The following UBR4 variants were observed in gnomAD, a reference collection of about 807,000 sequenced individuals.
UBR4 encodes ubiquitin protein ligase E3 component n-recognin 4, also known as E3 ubiquitin-protein ligase UBR4.
A neutral mutation model predicts 575.6 loss-of-function variants in UBR4; 124 were observed. The ratio of observed to expected loss-of-function variants is 0.22; its 90% confidence interval spans 0.19 to 0.25. The LOEUF (loss-of-function observed/expected upper bound fraction) is 0.25, where lower values mean the gene tolerates loss of function less well. Among genes scored for constraint, UBR4 ranks in the 10% least tolerant of loss-of-function variants. UBR4 has a pLI of 1.00. For missense variants in UBR4, 4,818 were observed against 6,478.8 expected (o/e 0.74, Z 8.80); for synonymous variants, 2,455 against 2,473.7 (o/e 0.99, Z 0.22).
chr1:19,155,527 T>C lies in UBR4; in HGVS notation c.6214A>G (p.Thr2072Ala). ...VIMSSAGYIY[T>A]QLMEEASSAQ... ...CTGCTGGCCTCTTCCATAAGCTGAG[T>C]ATAGATGTACCCAGCCGAAGACATT... Residue 2072 changes from threonine (T) to alanine (A), a missense_variant, in exon 43 of 106, where the codon ACT becomes GCT. Physicochemically the swap from Thr to Ala is moderately conservative, Grantham distance 58. This residue lies in a region of UBR4 where 461 missense variants were observed against 606.9 expected (regional missense o/e 0.76). Transcript: ENST00000375254. 9.9e-6 allele frequency: 16 copies of C among 1,614,034 alleles called. No individual in the cohort carries two copies. The highest frequency in any genetic ancestry group is 1.4e-5 in the Non-Finnish European group (16 of 1,179,988).
Position 19,155,655 on chromosome 1 carries a change from C to T in UBR4, c.6086G>A (p.Cys2029Tyr). Reference sequence around the variant, plus strand: ...GAAGGTTGGACTCAAGGCATCAACACACAGGTCATAAATCTGCAGGATGGA... The same window carrying T: ...GAAGGTTGGACTCAAGGCATCAACATACAGGTCATAAATCTGCAGGATGGA... Reference protein sequence around the residue: ...TADFVKIYDLCVDALSPTFYF... With the variant: ...TADFVKIYDLYVDALSPTFYF... The change falls in exon 43 of 106, where the codon TGT becomes TAT. Residue 2029 changes from cysteine (C) to tyrosine (Y), a missense_variant. Coordinates refer to ENST00000375254, the MANE Select transcript of UBR4 (RefSeq NM_020765.3). 6.2e-7 allele frequency: 1 copy of T among 1,614,046 alleles called. No homozygotes were observed. The highest frequency in any genetic ancestry group is 1.1e-5 in the South Asian group (1 of 91,072).
intron 17 of UBR4, among the ~76,000 whole-genome samples, chr1:19,180,471 C>G (rs1216952488): frequency 6.6e-6 from 1 of 150,440 alleles, no homozygotes; most frequent in Non-Finnish European, 1.5e-5. Context: ...CCTCTAAAAC[C>G]ACATTCTTAA....
intron 15 of UBR4, among the ~76,000 whole-genome samples, chr1:19,184,792 T>A (rs1571590786): frequency 1.3e-5 from 2 of 152,196 alleles, no homozygotes; most frequent in South Asian, 4.1e-4. Flanking sequence ...CTTTAAGATG[T>A]CACAACACCT....
chr1:19,087,990 T>C, intron 98 of UBR4, 61 bp from the exon 99 acceptor site: 11 of 1,361,732 alleles, frequency 8.1e-6, no homozygotes, highest in Admixed American at 2.0e-5. Flanking sequence ...CCACCCTAGC[T>C]TGGAGATGCT....
At chr1:19,162,009 G>T in intron 35 of UBR4, 112 bp from the exon 36 acceptor site, 1 of 1,206,962 alleles carries the variant, frequency 8.3e-7, no homozygotes, top group Non-Finnish European at 1.2e-6. Flanking sequence ...ACTCGCAAAT[G>T]ACCCGTGGAA....
intron 100 of UBR4, 59 bp downstream of exon 100, chr1:19,086,620 C>A: frequency 6.3e-7 from 1 of 1,594,558 alleles, no homozygotes; most frequent in Non-Finnish European, 8.6e-7. Flanking sequence ...CAGTCCCACC[C>A]GCTCCAGGCC....
At chr1:19,209,979 G>A (rs1249771786) in intron 1 of UBR4, 94 bp downstream of exon 1, 5 of 1,390,254 alleles carry the variant, frequency 3.6e-6, no homozygotes, top group East Asian at 3.1e-5. Flanking sequence ...TCCTCAAGGG[G>A]GCAGGGGGCG....
intron 29 of UBR4, among the ~76,000 whole-genome samples, chr1:19,166,144 T>C (rs372778445): frequency 6.6e-6 from 1 of 152,340 alleles, no homozygotes; most frequent in South Asian, 2.1e-4. Flanking sequence ...AAAGGAATCC[T>C]TGATGAAAAC....
intron 104 of UBR4, 137 bp downstream of exon 104, chr1:19,077,835 GGGTT>G (rs761282453): frequency 6.5e-7 from 1 of 1,549,716 alleles, no homozygotes. Flanking sequence ...CCCACAGTTG[GGGTT>G]GTTTGTTTCT....
At chr1:19,209,786 TAAGAGGGCGAATG>T (rs986739719) in intron 1 of UBR4, among the ~76,000 whole-genome samples, 8 of 152,104 alleles carry the variant, frequency 5.3e-5, no homozygotes, top group Admixed American at 4.6e-4. Flanking sequence ...AACATTCCCT[TAAGAGGGCGAATG>T]CATCTCACTC....
At chr1:19,198,097 A>T (rs1354993242) in intron 5 of UBR4, 48 bp from the exon 6 acceptor site, 3 of 1,573,764 alleles carry the variant, frequency 1.9e-6, no homozygotes, top group Non-Finnish European at 1.7e-6. Flanking sequence ...CTCTTCACCA[A>T]ACCAACTGTC....
At chr1:19,198,986 A>G (rs1183736372) in intron 3 of UBR4, 58 bp from the exon 4 acceptor site, 2 of 1,574,820 alleles carry the variant, frequency 1.3e-6, no homozygotes, top group East Asian at 2.3e-5. Context: ...CTTTCAGAAA[A>G]TTCTACTCTT....
rs764156439 is a variant in UBR4, at chr1:19,113,690, G to GCTCT, written c.11457+5_11457+8dup. The GCTCT allele has an allele frequency of 6.2e-7, 1 of 1,613,866 alleles. No homozygotes were observed. The highest frequency in any genetic ancestry group is 8.5e-7 in the Non-Finnish European group (1 of 1,179,982). On this transcript the variant is annotated intron_variant, in intron 77 of 105. Coordinates refer to ENST00000375254, the MANE Select transcript of UBR4 (RefSeq NM_020765.3). ...AAAACACACCCAAAAGCTGCTCCCC[G>GCTCT]CTCTCTACCTGGATGATTTTGGAGA...
Position 19,160,195 on chromosome 1 carries a change from G to T in UBR4, c.5493C>A (p.Ala1831=). 6.2e-7 allele frequency: 1 copy of T among 1,613,848 alleles called. No individual in the cohort carries two copies. Among genetic ancestry groups the T allele is most frequent in the Non-Finnish European group, 8.5e-7 (1 of 1,179,984 alleles). The change falls in exon 39 of 106, where the codon GCC becomes GCA. Residue 1831 remains alanine, a synonymous_variant. Coordinates refer to ENST00000375254, the MANE Select transcript of UBR4 (RefSeq NM_020765.3). ...AIQTNFQQAS[A]VGSSSRAQQA... ...GCTGAGCACGGCTGCTGCTCCCGAC[G>T]GCTGAAGCTTGCTGGAAGTTGGTCT...
chr1:19,171,806 C>T (rs1388626638), intron 25 of UBR4, among the ~76,000 whole-genome samples: 2 of 152,160 alleles, frequency 1.3e-5, no homozygotes, highest in African/African-American at 4.8e-5. Context: ...GATCGCACCA[C>T]TGCACTCCGG....
chr1:19,147,936 T>C, intron 51 of UBR4, 57 bp downstream of exon 51: 3 of 1,583,768 alleles, frequency 1.9e-6, no homozygotes, highest in South Asian at 1.1e-5. Context: ...AATGAAAAGC[T>C]AACTTATTTG....
intron 67 of UBR4, 111 bp from the exon 68 acceptor site, chr1:19,121,545 T>C: frequency 7.4e-7 from 1 of 1,356,696 alleles, no homozygotes. Flanking sequence ...ACCAGCTTTC[T>C]TTGCCATGTT....
intron 53 of UBR4, 68 bp from the exon 54 acceptor site, chr1:19,144,975 CAA>C (rs1486145681): frequency 6.3e-7 from 1 of 1,585,860 alleles, no homozygotes; most frequent in East Asian, 2.2e-5. Flanking sequence ...GAGTCTGAGA[CAA>C]AAGTGTAACC....
intron 99 of UBR4, among the ~76,000 whole-genome samples, 182 bp from the exon 100 acceptor site, chr1:19,087,003 T>C (rs2077077015): frequency 1.3e-5 from 2 of 152,242 alleles, no homozygotes; most frequent in Non-Finnish European, 2.9e-5. Context: ...AGCACTTGGC[T>C]GGCCGCAGCC....
Sources: allele counts gnomAD v4.1 joint callset (sites outside exome capture counted in the v4.1 genomes callset), GRCh38; gene constraint gnomAD v4.1.1; regional missense constraint gnomAD v4.1.1; transcripts MANE v1.5; gene names NCBI Gene and HGNC (gene_info 2026-07-23, HGNC 2026-07-21).